CNTN1: variants seen among roughly 807,000 people sequenced by gnomAD.
The protein encoded by CNTN1 is contactin-1.
In CNTN1, 38 loss-of-function variants were observed where a neutral mutation model predicts 126.4. That is an observed-to-expected ratio of 0.30 (90% CI 0.23 to 0.39). The LOEUF is 0.39. Ranked by LOEUF, CNTN1 falls within the 10% of genes least tolerant of loss-of-function variation. The pLI is 1.00. For missense variants in CNTN1, 1,009 were observed against 1,248.4 expected, an observed-to-expected ratio of 0.81 and a Z score of 2.89; for synonymous variants, 413 against 422.6, an observed-to-expected ratio of 0.98 and a Z score of 0.28.
intron 3 of CNTN1, among the ~76,000 whole-genome samples, chr12:40,913,938 A>G (rs2136834269): frequency 6.6e-6 from 1 of 152,342 alleles, no homozygotes; most frequent in South Asian, 2.1e-4. Flanking sequence ...AAATAAATGT[A>G]TTTGCATTAA....
intron 1 of CNTN1, among the ~76,000 whole-genome samples, chr12:40,762,362 A>T (rs1330063967): frequency 1.4e-5 from 2 of 147,596 alleles, no homozygotes; most frequent in Non-Finnish European, 3.0e-5. Flanking sequence ...GTGAGTAAAA[A>T]TCATGATGAT....
At chr12:40,773,073 G>A (rs928082741) in intron 1 of CNTN1, among the ~76,000 whole-genome samples, 2 of 151,670 alleles carry the variant, frequency 1.3e-5, no homozygotes, top group South Asian at 2.1e-4. Context: ...CTTTGCTTTG[G>A]TTGATATATT....
intron 1 of CNTN1, among the ~76,000 whole-genome samples, chr12:40,836,823 G>T (rs370191505): frequency 1.2e-4 from 19 of 152,152 alleles, no homozygotes; most frequent in Non-Finnish European, 2.6e-4. Flanking sequence ...TTGGTGTTGA[G>T]ATAATTATTT....
intron 18 of CNTN1, 22 bp from the exon 19 acceptor site, chr12:41,016,660 C>A: frequency 6.6e-7 from 1 of 1,505,046 alleles, no homozygotes; most frequent in South Asian, 1.1e-5. Context: ...AAAACCTACT[C>A]AATCTTTTAA....
Position 40,835,986 on chromosome 12 carries a change from A to ATGTG in CNTN1, c.-76-72351_-76-72348dup, listed in dbSNP as rs752905803. Among the ~76,000 whole-genome samples, 131 of 51,376 alleles carry ATGTG rather than the reference A, an allele frequency of 2.5e-3. 1 individual carries two copies. The highest frequency in any genetic ancestry group is 5.7e-3 in the South Asian group (5 of 872). The allele number at this position is 51,376 out of a possible 152,430, so 33.7% of individuals were successfully genotyped here. A position where few individuals can be genotyped will look rare whatever the true frequency, so the allele number is the denominator to read the frequency against. ...TTTTGGTGGATGAACAGGTATATAT[A>ATGTG]TGTGTGTGTGTGTGTGTGTGTGTAT... On this transcript the variant is annotated intron_variant, in intron 1 of 23. Transcript: ENST00000551295.
At chr12:40,695,965 G>C (rs550727054) in intron 1 of CNTN1, among the ~76,000 whole-genome samples, 1 of 152,184 alleles carries the variant, frequency 6.6e-6, no homozygotes, top group African/African-American at 2.4e-5. Context: ...TTGGGAGGAA[G>C]CCTGCAGGTG....
chr12:40,992,533 T>C (rs1283136849), intron 16 of CNTN1, among the ~76,000 whole-genome samples: 1 of 152,118 alleles, frequency 6.6e-6, no homozygotes, highest in Non-Finnish European at 1.5e-5. Flanking sequence ...ATTTATCATC[T>C]AATCTATATT....
intron 1 of CNTN1, among the ~76,000 whole-genome samples, chr12:40,858,218 G>A: frequency 6.6e-6 from 1 of 152,054 alleles, no homozygotes; most frequent in East Asian, 1.9e-4. Context: ...TCCCAACATA[G>A]CAGCTCACTT....
chr12:41,006,809 G>T lies in CNTN1; in HGVS notation c.2114-7419G>T, dbSNP rs574072660. ...AGTCAAAGCATTTGCATGGGAAAAG[G>T]TATGTCCTCTATAGAAACATGGACT... On this transcript the variant is annotated intron_variant, in intron 17 of 23. Coordinates refer to ENST00000551295, the MANE Select transcript of CNTN1 (RefSeq NM_001843.4). Among the ~76,000 whole-genome samples, 30 of 152,310 alleles carry T rather than the reference G, an allele frequency of 2.0e-4. No homozygotes were observed. The South Asian group carries it at 3.3e-3, about 17-fold the overall frequency.
In CNTN1 at chr12:41,045,039, G is replaced by C. The variant is rs538728318; in HGVS notation, c.2980+15820G>C. ...TATGAAGAATTTTAATTATTGGTAAGCCTAATTTTGTATTTTTCTATGAAT... is the reference window on the plus strand; with the variant it reads ...TATGAAGAATTTTAATTATTGGTAACCCTAATTTTGTATTTTTCTATGAAT... On this transcript the variant is annotated intron_variant, in intron 23 of 23. Transcript: ENST00000551295. Among the ~76,000 whole-genome samples, 41 of 151,980 alleles carry C rather than the reference G, an allele frequency of 2.7e-4. No homozygotes were observed. The South Asian group carries it at 8.5e-3, about 32-fold the overall frequency.
At chr12:40,834,135 C>CCG (rs1565803486) in intron 1 of CNTN1, among the ~76,000 whole-genome samples, 6 of 152,126 alleles carry the variant, frequency 3.9e-5, no homozygotes, top group South Asian at 2.1e-4. Context: ...AAGAATCATA[C>CCG]CACACAGAAA....
At chr12:40,922,583 A>G (rs190344833) in intron 5 of CNTN1, among the ~76,000 whole-genome samples, 155 bp downstream of exon 5, 1 of 152,288 alleles carries the variant, frequency 6.6e-6, no homozygotes, top group Admixed American at 6.5e-5. Context: ...ACAACAAAGC[A>G]CCACAAGGCA....
chr12:40,845,615 A>C (rs1378848651), intron 1 of CNTN1, among the ~76,000 whole-genome samples: 1 of 152,164 alleles, frequency 6.6e-6, no homozygotes, highest in Non-Finnish European at 1.5e-5. Context: ...AGAAAGACCA[A>C]ATAATTAGAG....
At chr12:40,947,648 A>G (rs1275452720) in intron 14 of CNTN1, among the ~76,000 whole-genome samples, 4 of 151,796 alleles carry the variant, frequency 2.6e-5, no homozygotes, top group East Asian at 3.9e-4. Context: ...AATTTTTGAC[A>G]TTCACTTTGG....
intron 1 of CNTN1, chr12:40,742,272 G>A (rs2136383222): frequency 6.6e-6 from 1 of 152,230 alleles, no homozygotes; most frequent in Middle Eastern, 3.4e-3. Context: ...GCCAAGTTGA[G>A]TTTACAATAG....
chr12:40,868,150 T>C (rs750771723), intron 1 of CNTN1, among the ~76,000 whole-genome samples: 1 of 152,102 alleles, frequency 6.6e-6, no homozygotes, highest in Non-Finnish European at 1.5e-5. Context: ...TTTATTTTTA[T>C]TTCTAATGTA....
chr12:40,838,848 A>C (rs941583203), intron 1 of CNTN1, among the ~76,000 whole-genome samples: 8 of 149,566 alleles, frequency 5.3e-5, no homozygotes, highest in African/African-American at 2.0e-4. Context: ...ATGCAAGGAT[A>C]CATGAAGCAT....
At chr12:41,045,612 A>C (rs978240179) in intron 23 of CNTN1, among the ~76,000 whole-genome samples, 4 of 152,108 alleles carry the variant, frequency 2.6e-5, no homozygotes, top group African/African-American at 9.7e-5. Flanking sequence ...TCGATACTAC[A>C]TTAGGGACCA....
At chr12:40,868,081 A>G (rs182265564) in intron 1 of CNTN1, among the ~76,000 whole-genome samples, 2 of 152,034 alleles carry the variant, frequency 1.3e-5, no homozygotes, top group East Asian at 3.9e-4. Context: ...TTGAGTCCCA[A>G]CTTACTAAGA....
Sources: gnomAD v4.1 joint callset for allele counts (sites outside exome capture counted in the v4.1 genomes callset) on GRCh38, gnomAD v4.1.1 for gene constraint, MANE v1.5 for transcripts, NCBI Gene and HGNC (gene_info 2026-07-23, HGNC 2026-07-21) for gene names.